The following DNAJC8 variants were observed in gnomAD, a reference collection of about 807,000 sequenced individuals.
DNAJC8 encodes DnaJ heat shock protein family (Hsp40) member C8, also known as dnaJ homolog subfamily C member 8.
In DNAJC8, 24 loss-of-function variants were observed where a neutral mutation model predicts 43.2. That is an observed-to-expected ratio of 0.56 (90% CI 0.40 to 0.78). The LOEUF (loss-of-function observed/expected upper bound fraction) is 0.78. DNAJC8 is among the 30% of genes least tolerant of loss of function. The probability of loss-of-function intolerance (pLI) is 0.00; values close to 1 mark genes in which losing one functional copy is unlikely to be tolerated. For synonymous variants in DNAJC8, 83 were observed against 98.0 expected, an observed-to-expected ratio of 0.85 and a Z score of 0.90; for missense variants, 207 against 299.4, an observed-to-expected ratio of 0.69 and a Z score of 2.28.
chr1:28,222,710 G>C (rs902005668), intron 2 of DNAJC8, among the ~76,000 whole-genome samples: 2 of 152,040 alleles, frequency 1.3e-5, no homozygotes, highest in Non-Finnish European at 2.9e-5. Flanking sequence ...AGCCCACCTG[G>C]AACAAGGAAG....
intron 8 of DNAJC8, among the ~76,000 whole-genome samples, chr1:28,201,681 C>T (rs1415058374): frequency 2.0e-5 from 3 of 150,832 alleles, no homozygotes; most frequent in African/African-American, 7.3e-5. Flanking sequence ...CCCAGCTACT[C>T]GGGAGGCTGA....
chr1:28,202,570 C>T (rs1322142579), intron 8 of DNAJC8, among the ~76,000 whole-genome samples: 1 of 145,514 alleles, frequency 6.9e-6, no homozygotes, highest in Non-Finnish European at 1.5e-5. Flanking sequence ...TGAGCCACCT[C>T]ACCCGGCCTT....
At chr1:28,214,326 G>C (rs544400989) in intron 3 of DNAJC8, among the ~76,000 whole-genome samples, 54 of 152,184 alleles carry the variant, frequency 3.5e-4, no homozygotes, top group African/African-American at 1.3e-3. Context: ...CTTGAGGTCA[G>C]GAGTTCGTCA....
chr1:28,204,359 T>C (rs1646755318), intron 7 of DNAJC8, among the ~76,000 whole-genome samples: 1 of 152,032 alleles, frequency 6.6e-6, no homozygotes, highest in Non-Finnish European at 1.5e-5. Context: ...GGCAGGTGGA[T>C]CATGTGAGGT....
intron 2 of DNAJC8, among the ~76,000 whole-genome samples, chr1:28,224,559 C>T (rs1039453172): frequency 2.6e-5 from 4 of 152,026 alleles, no homozygotes; most frequent in East Asian, 1.9e-4. Flanking sequence ...TGAGCCACCG[C>T]GCCTGGCCAG....
At chr1:28,221,130 G>C (rs1227301223) in intron 2 of DNAJC8, among the ~76,000 whole-genome samples, 2 of 151,848 alleles carry the variant, frequency 1.3e-5, no homozygotes, top group Admixed American at 6.6e-5. Context: ...ACGAGGTCAG[G>C]AGATCGAGAC....
intron 3 of DNAJC8, among the ~76,000 whole-genome samples, chr1:28,213,922 G>A (rs1337052713): frequency 1.3e-5 from 2 of 152,020 alleles, no homozygotes; most frequent in African/African-American, 4.8e-5. Context: ...AGGTTGAGGA[G>A]GGAGGATTGC....
At chr1:28,222,089 C>A (rs139201419) in intron 2 of DNAJC8, among the ~76,000 whole-genome samples, 79 of 152,078 alleles carry the variant, frequency 5.2e-4, no homozygotes, top group African/African-American at 1.9e-3. Context: ...GGGAGGAATG[C>A]GGAATTATTG....
chr1:28,215,039 A>T, intron 2 of DNAJC8, 43 bp from the exon 3 acceptor site: 1 of 1,518,932 alleles, frequency 6.6e-7, no homozygotes, highest in Non-Finnish European at 9.0e-7. Flanking sequence ...GTGAAAATAA[A>T]TTACATGTAT....
At chr1:28,212,168 A>AATAAATAAATATATATAT (rs35950985) in intron 3 of DNAJC8, among the ~76,000 whole-genome samples, 1 of 31,020 alleles carries the variant, frequency 3.2e-5, no homozygotes, top group African/African-American at 9.0e-5. Context: ...TAAATAAATA[A>AATAAATAAATATATATAT]ATATATATAT....
intron 2 of DNAJC8, among the ~76,000 whole-genome samples, chr1:28,218,094 C>CTTTTTTTTTTTTTTTTTTTTTT: frequency 8.2e-6 from 1 of 122,352 alleles, no homozygotes; most frequent in Non-Finnish European, 1.7e-5. Context: ...GGTTTCTATT[C>CTTTTTTTTTTTTTTTTTTTTTT]TTTTTTTTTT....
At chr1:28,218,777 T>C (rs1210429522) in intron 2 of DNAJC8, among the ~76,000 whole-genome samples, 1 of 152,082 alleles carries the variant, frequency 6.6e-6, no homozygotes, top group Non-Finnish European at 1.5e-5. Flanking sequence ...TGGTGGTGCA[T>C]GAAAATGAGA....
chr1:28,220,947 T>C (rs1020107416), intron 2 of DNAJC8, among the ~76,000 whole-genome samples: 2 of 152,178 alleles, frequency 1.3e-5, no homozygotes, highest in Middle Eastern at 3.4e-3. Context: ...AGGGAGCTAA[T>C]TAATCATCAC....
At chr1:28,212,044 T>C (rs1429507868) in intron 3 of DNAJC8, among the ~76,000 whole-genome samples, 1 of 150,554 alleles carries the variant, frequency 6.6e-6, no homozygotes, top group Admixed American at 6.7e-5. Context: ...TAATACCAGC[T>C]ACTCAGGACG....
chr1:28,215,733 C>T (rs1646848567), intron 2 of DNAJC8, among the ~76,000 whole-genome samples: 1 of 152,064 alleles, frequency 6.6e-6, no homozygotes, highest in Non-Finnish European at 1.5e-5. Flanking sequence ...CACAGGGTTT[C>T]TCCATGTTGG....
intron 6 of DNAJC8, among the ~76,000 whole-genome samples, chr1:28,206,810 AAGGAAAATAAAG>A (rs1158675308): frequency 6.6e-6 from 1 of 152,206 alleles, no homozygotes; most frequent in Non-Finnish European, 1.5e-5. Flanking sequence ...TATGGAGAGA[AAGGAAAATAAAG>A]AAGTCCCTAA....
chr1:28,204,978 G>C (rs1646759278), intron 7 of DNAJC8, among the ~76,000 whole-genome samples: 1 of 152,152 alleles, frequency 6.6e-6, no homozygotes, highest in African/African-American at 2.4e-5. Flanking sequence ...AGCCAAGATC[G>C]CACCACTGCA....
chr1:28,211,265 C>T (rs1445089298), intron 3 of DNAJC8, among the ~76,000 whole-genome samples: 1 of 152,140 alleles, frequency 6.6e-6, no homozygotes, highest in Non-Finnish European at 1.5e-5. Flanking sequence ...TATCAAGTTC[C>T]TATTATGTTC....
Position 28,201,337 on chromosome 1 carries a change from T to C in DNAJC8, c.673A>G (p.Asn225Asp). Residue 225 changes from asparagine to aspartate, a missense_variant, in exon 9 of 9, where the codon AAC becomes GAC. This residue lies in a region of DNAJC8 where 159 missense variants were observed against 267.5 expected (regional missense o/e 0.59). Coordinates refer to ENST00000263697, the MANE Select transcript of DNAJC8 (RefSeq NM_014280.3). ...TTCCCCTTCGTATTGGCTTGGAAGTTTCGCCAGCTGTCCACACGACCATCT... is the reference window on the plus strand; with the variant it reads ...TTCCCCTTCGTATTGGCTTGGAAGTCTCGCCAGCTGTCCACACGACCATCT... The part of the protein sequence containing the change: ...SRDGRVDSWR[N>D]FQANTKGKKE... 1 of 1,613,860 alleles carries C rather than the reference T, an allele frequency of 6.2e-7. No individual in the cohort carries two copies. The highest frequency in any genetic ancestry group is 8.5e-7 in the Non-Finnish European group (1 of 1,180,000).
Sources: gnomAD v4.1 joint callset for allele counts (sites outside exome capture counted in the v4.1 genomes callset) on GRCh38, gnomAD v4.1.1 for gene constraint, gnomAD v4.1.1 regional missense constraint, MANE v1.5 for transcripts, NCBI Gene and HGNC (gene_info 2026-07-23, HGNC 2026-07-21) for gene names.